The following HEPACAM2 variants were observed in gnomAD, a reference collection of about 807,000 sequenced individuals.
HEPACAM2 encodes mitotic kinetics regulator.
Under a neutral mutation model 49.6 loss-of-function variants are expected in HEPACAM2, and 49 were observed. The ratio of observed to expected loss-of-function variants is 0.99; its 90% CI spans 0.78 to 1.25. HEPACAM2 has a LOEUF of 1.25. HEPACAM2 is among the 50% of genes most tolerant of loss of function. The pLI, the probability that HEPACAM2 is intolerant of heterozygous loss-of-function variation, is 0.00. For synonymous variants in HEPACAM2, 197 were observed against 202.9 expected, an observed-to-expected ratio of 0.97 and a Z score of 0.25; for missense variants, 525 against 557.2, an observed-to-expected ratio of 0.94 and a Z score of 0.58.
chr7:93,199,563 A>G (rs752172164), intron 4 of HEPACAM2, among the ~76,000 whole-genome samples: 1 of 152,084 alleles, frequency 6.6e-6, no homozygotes, highest in East Asian at 1.9e-4. Context: ...TCACATTAGT[A>G]TAATGAGGAG....
intron 9 of HEPACAM2, 52 bp from the exon 10 acceptor site, chr7:93,189,322 C>T (rs781258107): frequency 7.1e-7 from 1 of 1,409,090 alleles, no homozygotes; most frequent in Non-Finnish European, 9.6e-7. Context: ...TTTTTCAGGT[C>T]TGCAGGTAAA....
chr7:93,202,224 C>A, intron 4 of HEPACAM2, among the ~76,000 whole-genome samples: 1 of 150,216 alleles, frequency 6.7e-6, no homozygotes, highest in Non-Finnish European at 1.5e-5. Context: ...TAAAAACTAG[C>A]TAAGGGAATT....
intron 7 of HEPACAM2, 42 bp downstream of exon 7, chr7:93,197,199 T>G: frequency 6.9e-7 from 1 of 1,449,130 alleles, no homozygotes; most frequent in South Asian, 1.4e-5. Flanking sequence ...CTAATTAACA[T>G]ACATTAAAAC....
rs568273684 is a variant in HEPACAM2, at chr7:93,226,386, T to A, written c.61A>T (p.Ile21Leu). ...GCCTTACCGAAGAGAAGGAGGTATA[T>A]TTTGCACTGAAAGACCCCAAGTGTG... ...GDTLGVFQCK[I>L]YLLLFGACSG... The change falls in exon 1 of 10, where the codon ATA (isoleucine) becomes TTA (leucine). Residue 21 changes from isoleucine to leucine, a missense_variant. Coordinates refer to ENST00000394468, the MANE Select transcript of HEPACAM2 (RefSeq NM_001039372.4). 3.7e-6 allele frequency: 6 copies of A among 1,612,518 alleles called. No homozygotes were observed. The highest frequency in any genetic ancestry group is 4.2e-6 in the Non-Finnish European group (5 of 1,179,076).
chr7:93,200,249 T>C (rs777302921), intron 4 of HEPACAM2, among the ~76,000 whole-genome samples: 1 of 152,096 alleles, frequency 6.6e-6, no homozygotes, highest in Non-Finnish European at 1.5e-5. Context: ...TTAGGTGCAC[T>C]TCCTAATGCT....
intron 4 of HEPACAM2, 95 bp from the exon 5 acceptor site, chr7:93,197,705 A>G: frequency 1.2e-6 from 1 of 825,566 alleles, no homozygotes; most frequent in South Asian, 2.1e-5. Flanking sequence ...CGCTATTGAA[A>G]AAAATATATA....
chr7:93,194,939 T>TTTTTTTTTTTA (rs1172777927), intron 8 of HEPACAM2, among the ~76,000 whole-genome samples: 2 of 149,902 alleles, frequency 1.3e-5, no homozygotes. Context: ...TTTTTTTTTT[T>TTTTTTTTTTTA]CCGGACTGAA....
chr7:93,218,961 T>C, intron 2 of HEPACAM2, 140 bp downstream of exon 2: 2 of 644,522 alleles, frequency 3.1e-6, no homozygotes, highest in Non-Finnish European at 2.7e-6. Context: ...ATTAGTGCCA[T>C]GAGATATTGA....
chr7:93,194,851 G>A (rs2116631174), intron 8 of HEPACAM2, among the ~76,000 whole-genome samples: 1 of 148,024 alleles, frequency 6.8e-6, no homozygotes, highest in Non-Finnish European at 1.5e-5. Flanking sequence ...CTATAAAAAT[G>A]TTAATAATCT....
intron 4 of HEPACAM2, among the ~76,000 whole-genome samples, chr7:93,204,135 G>C (rs1793965074): frequency 6.6e-6 from 1 of 152,026 alleles, no homozygotes; most frequent in Non-Finnish European, 1.5e-5. Flanking sequence ...AAGAAAAGTT[G>C]GGAAATATAA....
rs543008450 is a variant in HEPACAM2 at position 93,201,102 on chromosome 7, T to C, written c.1013-3492A>G. ...ACACACACAGTGGCCCCAGTGGGAA[T>C]TGATATTTTTTCTCATCAATATTAT... On this transcript the variant is annotated intron_variant, in intron 4 of 9. Coordinates refer to ENST00000394468, the MANE Select transcript of HEPACAM2 (RefSeq NM_001039372.4). Among the ~76,000 whole-genome samples the C allele has an allele frequency of 1.2e-4, 19 of 152,264 alleles. No individual in the cohort carries two copies. In the South Asian group the frequency reaches 3.3e-3, roughly 27 times the overall value.
At chr7:93,218,489 T>C (rs534824794) in intron 2 of HEPACAM2, among the ~76,000 whole-genome samples, 2 of 152,234 alleles carry the variant, frequency 1.3e-5, no homozygotes, top group South Asian at 4.2e-4. Context: ...ATTGATAGAA[T>C]GGAATTTGTA....
chr7:93,208,799 C>A lies in HEPACAM2; in HGVS notation c.793G>T (p.Ala265Ser). 6.2e-7 allele frequency: 1 copy of A among 1,612,928 alleles called. No homozygotes were observed. The highest frequency in any genetic ancestry group is 8.5e-7 in the Non-Finnish European group (1 of 1,179,334). The change falls in exon 4 of 10, where the codon GCC becomes TCC. Residue 265 changes from alanine to serine, a missense_variant. Transcript: ENST00000394468. Reference protein sequence around the residue: ...GEVFTVDLGEAILFDCSADSH... With the variant: ...GEVFTVDLGESILFDCSADSH... ...TCAGCAGAACAATCAAATAGGATGG[C>A]CTCTCCAAGGTCAACAGTAAACACT...
chr7:93,195,745 C>A, intron 8 of HEPACAM2, 83 bp downstream of exon 8: 6 of 1,005,480 alleles, frequency 6.0e-6, no homozygotes, highest in Non-Finnish European at 9.4e-6. Flanking sequence ...GACCACACTG[C>A]CCAGTGCTTA....
chr7:93,215,787 G>T, intron 2 of HEPACAM2, 102 bp from the exon 3 acceptor site: 2 of 1,144,306 alleles, frequency 1.7e-6, no homozygotes, highest in Non-Finnish European at 2.5e-6. Context: ...AATTATTCCA[G>T]CATTTTACAC....
At position 93,189,263 on chromosome 7, in the gene HEPACAM2, A is replaced by G; in HGVS notation, c.*4T>C. The G allele has an allele frequency of 6.3e-7, 1 of 1,597,134 alleles. No homozygotes were observed. The highest frequency in any genetic ancestry group is 2.2e-5 in the East Asian group (1 of 44,530). On this transcript the variant is annotated 3_prime_UTR_variant, in exon 10 of 10. Coordinates refer to ENST00000394468, the MANE Select transcript of HEPACAM2 (RefSeq NM_001039372.4). Reference sequence around the variant, plus strand: ...CTCGAATGTACTGTTTAGCCCATGAAAGTTCACCTAGTGAAGAGATATACA... The same window carrying G: ...CTCGAATGTACTGTTTAGCCCATGAGAGTTCACCTAGTGAAGAGATATACA...
chr7:93,227,484 G>A (rs1298575377), upstream of HEPACAM2, among the ~76,000 whole-genome samples: 2 of 152,064 alleles, frequency 1.3e-5, no homozygotes, highest in Non-Finnish European at 2.9e-5. Context: ...TATACCTCAA[G>A]CATAATTAAA....
At chr7:93,193,520 G>A (rs1793608947) in intron 8 of HEPACAM2, among the ~76,000 whole-genome samples, 1 of 152,256 alleles carries the variant, frequency 6.6e-6, no homozygotes, top group Non-Finnish European at 1.5e-5. Context: ...CCTGAAAGAG[G>A]TGCTAAATGG....
rs535404474 is a variant in HEPACAM2, at chr7:93,219,188, G to A, written c.343C>T (p.Pro115Ser). 3.7e-6 allele frequency: 6 copies of A among 1,613,942 alleles called. No homozygotes were observed. In the African/African-American group the frequency reaches 5.3e-5, roughly 14 times the overall value. The change falls in exon 2 of 10, where the codon CCT becomes TCT. Residue 115 changes from proline (P) to serine (S), a missense_variant. Physicochemically the swap from Pro to Ser is moderately conservative, Grantham distance 74. Coordinates refer to ENST00000394468, the MANE Select transcript of HEPACAM2 (RefSeq NM_001039372.4). ...TTCACGATGTAATTGCCTTCATCAGGGAACTGCAGTGGGTTGATAAGCAGA... is the reference window on the plus strand; with the variant it reads ...TTCACGATGTAATTGCCTTCATCAGAGAACTGCAGTGGGTTGATAAGCAGA... ...ASLLINPLQF[P>S]DEGNYIVKVN...
Sources: allele counts gnomAD v4.1 joint callset (sites outside exome capture counted in the v4.1 genomes callset), GRCh38; gene constraint gnomAD v4.1.1; transcripts MANE v1.5; gene names NCBI Gene and HGNC (gene_info 2026-07-23, HGNC 2026-07-21).